Variants in ADGRD1 observed in about 807,000 individuals in gnomAD.
ADGRD1 encodes the protein G-protein coupled receptor 133.
A neutral mutation model predicts 113.4 loss-of-function variants in ADGRD1; 77 were observed. The ratio of observed to expected loss-of-function variants is 0.68; its 90% CI spans 0.57 to 0.82. The LOEUF (loss-of-function observed/expected upper bound fraction) is 0.82, where lower values mean the gene tolerates loss of function less well. ADGRD1 is among the 40% of genes least tolerant of loss of function. The pLI is 0.00. For missense variants in ADGRD1, 1,036 were observed against 1,139.1 expected (o/e 0.91, Z 1.30); for synonymous variants, 474 against 475.0 (o/e 1.00, Z 0.03).
At chr12:131,064,979 G>A (rs1442853825) in intron 13 of ADGRD1, among the ~76,000 whole-genome samples, 1 of 152,216 alleles carries the variant, frequency 6.6e-6, no homozygotes, top group African/African-American at 2.4e-5. Flanking sequence ...AGGATGAGCA[G>A]CACTAGGCAG....
chr12:130,986,483 T>C (rs935871052), intron 5 of ADGRD1, among the ~76,000 whole-genome samples: 8 of 152,358 alleles, frequency 5.3e-5, no homozygotes, highest in Admixed American at 5.2e-4. Context: ...GCAATTGACT[T>C]GTATATTAAC....
chr12:131,047,848 T>A (rs1220218215), intron 13 of ADGRD1, among the ~76,000 whole-genome samples: 1 of 152,176 alleles, frequency 6.6e-6, no homozygotes, highest in Admixed American at 6.5e-5. Context: ...GATGGCCTGC[T>A]TCTCCCTCAA....
intron 18 of ADGRD1, among the ~76,000 whole-genome samples, chr12:131,117,600 C>G (rs1442874324): frequency 6.6e-6 from 1 of 152,164 alleles, no homozygotes; most frequent in Non-Finnish European, 1.5e-5. Flanking sequence ...GCCAGGGTCA[C>G]ATGCCCATCT....
rs1326395715 is a variant in ADGRD1, at chr12:130,966,313, T to C, written c.104-150T>C. ...GTTTCTTTTTCTAACCAAGAGTGTG[T>C]GTTGAATTTTATTAAATATGCTTTC... On this transcript the variant is annotated intron_variant, in intron 2 of 24. Coordinates refer to ENST00000261654, the MANE Select transcript of ADGRD1 (RefSeq NM_198827.5). This position sits in a 1 kb window ranked among gnomAD's most constrained non-coding sequence, Gnocchi z 4.6. The C allele has an allele frequency of 8.8e-6, 5 of 570,054 alleles. No homozygotes were observed. The African/African-American group carries it at 9.4e-5, about 11-fold the overall frequency. The allele number at this position is 570,054 out of a possible 1,614,324, so 35.3% of individuals were successfully genotyped here.
chr12:131,098,707 A>G (rs1950000811), intron 15 of ADGRD1, among the ~76,000 whole-genome samples: 1 of 152,054 alleles, frequency 6.6e-6, no homozygotes, highest in Non-Finnish European at 1.5e-5. Context: ...CACCTCCGCC[A>G]CCGCCCCTGT....
chr12:131,140,879 C>T lies in ADGRD1; in HGVS notation c.*1616C>T, dbSNP rs971448273. On this transcript the variant is annotated 3_prime_UTR_variant, in exon 25 of 25. Coordinates refer to ENST00000261654, the MANE Select transcript of ADGRD1 (RefSeq NM_198827.5). ...CCACATGGTGACAGTGCCACGGGCCCTGCGTATGGCCCCTGCAACCGTGCT... is the reference window on the plus strand; with the variant it reads ...CCACATGGTGACAGTGCCACGGGCCTTGCGTATGGCCCCTGCAACCGTGCT... 6.6e-6 allele frequency: 1 copy of T among 152,318 alleles called. No homozygotes were observed. Among genetic ancestry groups the T allele is most frequent in the South Asian group, 2.1e-4 (1 of 4,832 alleles). 9.4% of individuals were successfully genotyped at this position (152,318 alleles called of 1,614,324 possible).
At chr12:131,048,691 T>C (rs1022175347) in intron 13 of ADGRD1, among the ~76,000 whole-genome samples, 2 of 152,234 alleles carry the variant, frequency 1.3e-5, no homozygotes, top group African/African-American at 4.8e-5. Flanking sequence ...AGAAATACTC[T>C]TGTGTTCTGA....
In ADGRD1 at chr12:131,108,761, T is replaced by A. The variant is rs758577310; in HGVS notation, c.1925T>A (p.Phe642Tyr). Residue 642 changes from phenylalanine (F) to tyrosine (Y), a missense_variant, in exon 18 of 25, where the codon TTC becomes TAC. By Grantham distance (22) the Phe-to-Tyr change is conservative (BLOSUM62 3). Coordinates refer to ENST00000261654, the MANE Select transcript of ADGRD1 (RefSeq NM_198827.5). ...GTGATGGCCGTGCTCCTACACTACTTCTTCCTGAGTGCCTTCGCATGGATG... is the reference window on the plus strand; with the variant it reads ...GTGATGGCCGTGCTCCTACACTACTACTTCCTGAGTGCCTTCGCATGGATG... ...CQVMAVLLHYFFLSAFAWMLV... is the reference protein window; with the variant it reads ...CQVMAVLLHYYFLSAFAWMLV... The A allele has an allele frequency of 1.1e-5, 17 of 1,613,996 alleles. No homozygotes were observed. The highest frequency in any genetic ancestry group is 5.3e-5 in the African/African-American group (4 of 74,900).
rs943568974 is a variant in ADGRD1 at position 130,982,868 on chromosome 12, T to G, written c.490+805T>G. ...GGACACAGAAGGACTCAGGGTGGCA[T>G]GGAGTGGGGGCCAAGTCAGGACTGG... On this transcript the variant is annotated intron_variant, in intron 5 of 24. Coordinates refer to ENST00000261654, the MANE Select transcript of ADGRD1 (RefSeq NM_198827.5). Among the ~76,000 whole-genome samples, 8 of 151,672 alleles carry G rather than the reference T, an allele frequency of 5.3e-5. No individual in the cohort carries two copies. In the South Asian group the frequency reaches 6.3e-4, roughly 12 times the overall value.
chr12:131,044,087 T>C (rs551171526), intron 13 of ADGRD1, among the ~76,000 whole-genome samples: 16 of 152,332 alleles, frequency 1.1e-4, no homozygotes, highest in Admixed American at 9.1e-4. Flanking sequence ...ATAGAGGTTC[T>C]AATTGGGTTT....
rs1884216543 is a variant in ADGRD1 at position 131,060,355 on chromosome 12, G to A, written c.1474-16446G>A. Among the ~76,000 whole-genome samples, 1 of 152,244 alleles carries A rather than the reference G, an allele frequency of 6.6e-6. No individual in the cohort carries two copies. Among genetic ancestry groups the A allele is most frequent in the African/African-American group, 2.4e-5 (1 of 41,466 alleles). Reference sequence around the variant, plus strand: ...GCCTGTCTAGGTGGCCCCTTTCCTGGTCCTCTGTGGTTACTGGACATATCA... The same window carrying A: ...GCCTGTCTAGGTGGCCCCTTTCCTGATCCTCTGTGGTTACTGGACATATCA... On this transcript the variant is annotated intron_variant, in intron 13 of 24. Transcript: ENST00000261654. The surrounding 1 kb of genome is among the most constrained non-coding windows in gnomAD (Gnocchi z 4.4).
chr12:130,986,341 G>A (rs1364193133), intron 5 of ADGRD1, among the ~76,000 whole-genome samples: 1 of 152,034 alleles, frequency 6.6e-6, no homozygotes, highest in Non-Finnish European at 1.5e-5. Flanking sequence ...GAGTTATATA[G>A]TTTTCTTTAT....
chr12:131,070,850 G>T (rs761217458), intron 13 of ADGRD1: 6 of 518,950 alleles, frequency 1.2e-5, no homozygotes, highest in Non-Finnish European at 3.8e-6. Flanking sequence ...CCCTGCCCAT[G>T]TGGTCATGGA....
intron 20 of ADGRD1, among the ~76,000 whole-genome samples, chr12:131,129,554 A>C (rs1950856474): frequency 6.6e-6 from 1 of 151,676 alleles, no homozygotes; most frequent in Non-Finnish European, 1.5e-5. Flanking sequence ...GGTTGTTTCC[A>C]ATCTTGTTAC....
chr12:131,091,247 A>G (rs934971162), intron 15 of ADGRD1, among the ~76,000 whole-genome samples: 3 of 152,250 alleles, frequency 2.0e-5, no homozygotes, highest in Non-Finnish European at 2.9e-5. Flanking sequence ...TTCTCAGTAC[A>G]CCCATGAGAA....
At chr12:130,975,311 C>T (rs1374180840) in intron 4 of ADGRD1, among the ~76,000 whole-genome samples, 1 of 152,214 alleles carries the variant, frequency 6.6e-6, no homozygotes, top group African/African-American at 2.4e-5. Context: ...TGGCCTGTCA[C>T]TTCCGTCTCC....
intron 12 of ADGRD1, among the ~76,000 whole-genome samples, chr12:131,009,812 G>A (rs1877644122): frequency 6.6e-6 from 1 of 152,238 alleles, no homozygotes; most frequent in Non-Finnish European, 1.5e-5. Context: ...GTGTGTACAT[G>A]TGTGGTATGT....
chr12:131,048,221 G>A (rs1311680253), intron 13 of ADGRD1, among the ~76,000 whole-genome samples: 3 of 152,226 alleles, frequency 2.0e-5, no homozygotes, highest in Non-Finnish European at 2.9e-5. Flanking sequence ...AGGGTCAGCC[G>A]GGGCCAGCAG....
At chr12:130,983,579 A>G (rs938991232) in intron 5 of ADGRD1, among the ~76,000 whole-genome samples, 1 of 152,156 alleles carries the variant, frequency 6.6e-6, no homozygotes, top group South Asian at 2.1e-4. Flanking sequence ...TTTTCCACCC[A>G]GGGAAAGGGC....
Sources: gnomAD v4.1 joint callset for allele counts (sites outside exome capture counted in the v4.1 genomes callset) on GRCh38, gnomAD v4.1.1 for gene constraint, Gnocchi (gnomAD v3.1) non-coding constraint, MANE v1.5 for transcripts, NCBI Gene and HGNC (gene_info 2026-07-23, HGNC 2026-07-21) for gene names.